The following SEC23A variants were observed in gnomAD, a reference collection of about 807,000 sequenced individuals.
SEC23A encodes SEC23 homolog A, COPII component.
In SEC23A, 56 loss-of-function variants were observed where a neutral mutation model predicts 103.7. That is an observed-to-expected ratio of 0.54 (90% CI 0.44 to 0.67). The LOEUF (loss-of-function observed/expected upper bound fraction) is 0.67, where lower values mean the gene tolerates loss of function less well. Among genes scored for constraint, SEC23A ranks in the 30% least tolerant of loss-of-function variants. The probability of loss-of-function intolerance (pLI) is 0.00; values close to 1 mark genes in which losing one functional copy is unlikely to be tolerated. For missense variants in SEC23A, 784 were observed against 936.4 expected, an observed-to-expected ratio of 0.84 and a Z score of 2.12; for synonymous variants, 281 against 293.0, an observed-to-expected ratio of 0.96 and a Z score of 0.42.
intron 9 of SEC23A, among the ~76,000 whole-genome samples, chr14:39,069,605 G>A (rs1427776518): frequency 6.6e-6 from 1 of 151,986 alleles, no homozygotes; most frequent in Admixed American, 6.6e-5. Context: ...GACCACAGGC[G>A]CACACCACCA....
At chr14:39,099,148 T>A (rs1887993957) in intron 1 of SEC23A, among the ~76,000 whole-genome samples, 1 of 141,100 alleles carries the variant, frequency 7.1e-6, no homozygotes, top group African/African-American at 2.5e-5. Context: ...ATTAAATTGT[T>A]TTTGGGTTTT....
intron 5 of SEC23A, chr14:39,088,201 A>C (rs1006712450): frequency 1.3e-5 from 2 of 152,214 alleles, no homozygotes; most frequent in Non-Finnish European, 2.9e-5. Context: ...AACTAATAAT[A>C]GGGAAAGAAT....
At chr14:39,098,499 G>A (rs997623428) in intron 1 of SEC23A, among the ~76,000 whole-genome samples, 2 of 152,128 alleles carry the variant, frequency 1.3e-5, no homozygotes, top group Non-Finnish European at 2.9e-5. Flanking sequence ...TTTAAGGCCA[G>A]GCACAGTGGC....
intron 15 of SEC23A, 59 bp from the exon 16 acceptor site, chr14:39,045,383 C>T (rs1885795315): frequency 7.0e-6 from 9 of 1,280,338 alleles, no homozygotes. Flanking sequence ...CAGGTGTTTA[C>T]TATTAGCAAA....
intron 1 of SEC23A, among the ~76,000 whole-genome samples, chr14:39,098,576 AC>A (rs2139303669): frequency 6.6e-6 from 1 of 152,204 alleles, no homozygotes; most frequent in African/African-American, 2.4e-5. Context: ...GGAGTTCAAG[AC>A]CAGCCTGGCC....
chr14:39,035,615 T>C (rs1322872870), intron 19 of SEC23A, among the ~76,000 whole-genome samples: 1 of 152,176 alleles, frequency 6.6e-6, no homozygotes, highest in Admixed American at 6.5e-5. Flanking sequence ...TTTAGAACTT[T>C]TGGACCTGGG....
intron 7 of SEC23A, among the ~76,000 whole-genome samples, chr14:39,079,178 C>CA (rs1253403764): frequency 6.6e-6 from 1 of 151,804 alleles, no homozygotes; most frequent in Non-Finnish European, 1.5e-5. Context: ...TATAGCCACC[C>CA]AAACTACCAA....
chr14:39,094,438 ATATATTTTTTT>A lies in SEC23A; in HGVS notation c.222-1205_222-1195del, dbSNP rs1400393078. 8.6e-3 allele frequency among the ~76,000 whole-genome samples: 135 copies of A among 15,672 alleles called. 16 individuals are homozygous for A. Among genetic ancestry groups the A allele is most frequent in the Admixed American group, 0.019 (24 of 1,238 alleles). The allele number at this position is 15,672 out of a possible 152,430, so 10.3% of individuals were successfully genotyped here. A position where few individuals can be genotyped will look rare whatever the true frequency, so the allele number is the denominator to read the frequency against. On this transcript the variant is annotated intron_variant, in intron 2 of 19. Coordinates refer to ENST00000307712, the MANE Select transcript of SEC23A (RefSeq NM_006364.4). ...TATATATATATATATATATATATAT[ATATATTTTTTT>A]TTTTTTTTTTTCCCCTCCTGTAGAA...
intron 18 of SEC23A, 64 bp downstream of exon 18, chr14:39,040,668 A>G: frequency 6.3e-7 from 1 of 1,586,542 alleles, no homozygotes. Context: ...TCAGAAGGCA[A>G]GCAGGTACAC....
chr14:39,093,727 C>T (rs570516776), intron 2 of SEC23A, among the ~76,000 whole-genome samples: 5 of 152,272 alleles, frequency 3.3e-5, no homozygotes, highest in African/African-American at 1.2e-4. Flanking sequence ...CAACACTGCC[C>T]TCCAATCTAA....
At chr14:39,052,832 G>A (rs1886114267) in intron 14 of SEC23A, among the ~76,000 whole-genome samples, 1 of 152,164 alleles carries the variant, frequency 6.6e-6, no homozygotes, top group Non-Finnish European at 1.5e-5. Context: ...AAGTGAAAAT[G>A]CTAGGACAAG....
rs1282663750 is a variant in SEC23A, at chr14:39,032,236, A to C, written c.*1003T>G. The C allele has an allele frequency of 6.6e-6, 1 of 152,658 alleles. No individual in the cohort carries two copies. The highest frequency in any genetic ancestry group is 1.5e-5 in the Non-Finnish European group (1 of 68,020). The allele number at this position is 152,658 out of a possible 1,614,324, so 9.5% of individuals were successfully genotyped here. A position where few individuals can be genotyped will look rare whatever the true frequency, so the allele number is the denominator to read the frequency against. ...AGGTAAAAGTGAATACTAATGAATA[A>C]ATCAAAATAGAACTGAGCATCACAT... is the stretch of plus-strand genomic sequence containing the variant. On this transcript the variant is annotated 3_prime_UTR_variant, in exon 20 of 20. Coordinates refer to ENST00000307712, the MANE Select transcript of SEC23A (RefSeq NM_006364.4).
chr14:39,102,472 C>T (rs1888138692), intron 1 of SEC23A, among the ~76,000 whole-genome samples: 1 of 152,170 alleles, frequency 6.6e-6, no homozygotes, highest in Non-Finnish European at 1.5e-5. Flanking sequence ...CAGGCAGTAC[C>T]TTTACCACCA....
chr14:39,092,456 T>C (rs1207530438), intron 4 of SEC23A, 85 bp downstream of exon 4: 6 of 841,950 alleles, frequency 7.1e-6, no homozygotes, highest in Admixed American at 2.2e-5. Flanking sequence ...GAATTAAGCA[T>C]GATTCCTTCT....
chr14:39,102,061 G>A (rs556560476), intron 1 of SEC23A, among the ~76,000 whole-genome samples: 2 of 152,180 alleles, frequency 1.3e-5, no homozygotes, highest in African/African-American at 2.4e-5. Flanking sequence ...GTGAAACCCC[G>A]TCTCTACTAA....
chr14:39,052,027 G>C (rs1886080118), intron 14 of SEC23A, among the ~76,000 whole-genome samples: 1 of 151,658 alleles, frequency 6.6e-6, no homozygotes, highest in Non-Finnish European at 1.5e-5. Context: ...GGAATTGGAA[G>C]CCATTATCCT....
At chr14:39,039,827 A>G (rs1490813079) in intron 18 of SEC23A, 2 of 152,196 alleles carry the variant, frequency 1.3e-5, no homozygotes, top group Non-Finnish European at 2.9e-5. Context: ...TAAGTAACCT[A>G]GATCTCAGTT....
rs369737575 is a variant in SEC23A at position 39,075,337 on chromosome 14, A to T, written c.987+598T>A. ...ATTATGTCATAAATTACTTTTAAAC[A>T]TATAATACTGATGAAGACTATCAAA... On this transcript the variant is annotated intron_variant, in intron 8 of 19. Transcript: ENST00000307712. 2.6e-5 allele frequency among the ~76,000 whole-genome samples: 4 copies of T among 152,346 alleles called. No homozygotes were observed. In the East Asian group the frequency reaches 7.7e-4, roughly 29 times the overall value.
At chr14:39,067,502 T>A (rs971045930) in intron 9 of SEC23A, among the ~76,000 whole-genome samples, 1 of 148,414 alleles carries the variant, frequency 6.7e-6, no homozygotes, top group Admixed American at 6.9e-5. Flanking sequence ...GGTAACAGAG[T>A]ACCCCTAACA....
Sources: allele counts gnomAD v4.1 joint callset (sites outside exome capture counted in the v4.1 genomes callset), GRCh38; gene constraint gnomAD v4.1.1; transcripts MANE v1.5; gene names NCBI Gene and HGNC (gene_info 2026-07-23, HGNC 2026-07-21).